The following EHMT1 variants were observed in gnomAD, a reference collection of about 807,000 sequenced individuals.
EHMT1 encodes euchromatic histone lysine methyltransferase 1.
Under a neutral mutation model 147.2 loss-of-function variants are expected in EHMT1, and 15 were observed. The ratio of observed to expected loss-of-function variants is 0.10; its 90% CI spans 0.07 to 0.16. The LOEUF is 0.16. EHMT1 is among the 10% of genes least tolerant of loss of function. EHMT1 has a pLI of 1.00. For synonymous variants in EHMT1, 795 were observed against 709.6 expected, an observed-to-expected ratio of 1.12 and a Z score of -1.91; for missense variants, 1,587 against 1,772.4, an observed-to-expected ratio of 0.90 and a Z score of 1.88.
intron 1 of EHMT1, among the ~76,000 whole-genome samples, chr9:137,668,828 G>C (rs1940031734): frequency 6.6e-6 from 1 of 152,152 alleles, no homozygotes; most frequent in Non-Finnish European, 1.5e-5. Flanking sequence ...GGCTATCCCG[G>C]GAATGGGATA....
intron 25 of EHMT1, among the ~76,000 whole-genome samples, chr9:137,819,760 A>G (rs1307502773): frequency 6.6e-6 from 1 of 151,916 alleles, no homozygotes; most frequent in Non-Finnish European, 1.5e-5. Flanking sequence ...CACAGAGGCC[A>G]ACAGACACGT....
At chr9:137,730,747 C>G (rs1947038669) in intron 4 of EHMT1, among the ~76,000 whole-genome samples, 1 of 152,248 alleles carries the variant, frequency 6.6e-6, no homozygotes, top group Non-Finnish European at 1.5e-5. Context: ...GTGGGCACCT[C>G]TTCAGGAAGA....
chr9:137,826,378 G>A (rs759862191), intron 25 of EHMT1, among the ~76,000 whole-genome samples: 2 of 152,182 alleles, frequency 1.3e-5, no homozygotes, highest in African/African-American at 4.8e-5. Context: ...GGGTCACCCC[G>A]GTCCACTTCC....
chr9:137,725,763 CAGAG>C (rs1026574508), intron 3 of EHMT1, among the ~76,000 whole-genome samples: 6 of 152,214 alleles, frequency 3.9e-5, no homozygotes, highest in African/African-American at 1.4e-4. Context: ...GCCTGTGAGA[CAGAG>C]AGAGGTGGAG....
In EHMT1 at chr9:137,622,095, C is replaced by T. The variant is rs531132194; in HGVS notation, c.21+3046C>T. On this transcript the variant is annotated intron_variant, in intron 1 of 26. Coordinates refer to ENST00000460843, the MANE Select transcript of EHMT1 (RefSeq NM_024757.5). ...TCGTCATTTAGCATTAGGTATATCT[C>T]CTAATGCTATCCCTCCCCCCTCCCC... Among the ~76,000 whole-genome samples, 72 of 149,274 alleles carry T rather than the reference C, an allele frequency of 4.8e-4. No homozygotes were observed. In the Middle Eastern group the frequency reaches 0.014, roughly 28 times the overall value.
Position 137,716,680 on chromosome 9 carries a change from A to G in EHMT1, c.140A>G (p.His47Arg), listed in dbSNP as rs1177732855. Residue 47 changes from histidine (H) to arginine (R), a missense_variant, in exon 3 of 27, where the codon CAC becomes CGC. By Grantham distance (29) the His-to-Arg change is conservative (BLOSUM62 0). Around this residue, in one of 7 missense-constraint regions of EHMT1, gnomAD observed 810 missense variants for 673.0 expected, o/e 1.20. Coordinates refer to ENST00000460843, the MANE Select transcript of EHMT1 (RefSeq NM_024757.5). ...GSAEKQAGEA[H>R]MAADGETNGS... The stretch of plus-strand genomic sequence containing the variant: ...GCAGAGAAACAGGCAGGAGAGGCCC[A>G]CATGGCTGCGGACGGTGAGACCAAT... 1.2e-6 allele frequency: 2 copies of G among 1,604,132 alleles called. No homozygotes were observed.
At chr9:137,778,346 A>G (rs1419514686) in intron 13 of EHMT1, among the ~76,000 whole-genome samples, 6 of 152,248 alleles carry the variant, frequency 3.9e-5, no homozygotes, top group Non-Finnish European at 8.8e-5. Context: ...CCCTTAGGTC[A>G]TGAGAGCAGA....
At chr9:137,812,344 AAAC>A (rs1253737565) in intron 19 of EHMT1, among the ~76,000 whole-genome samples, 1 of 151,240 alleles carries the variant, frequency 6.6e-6, no homozygotes, top group Non-Finnish European at 1.5e-5. Context: ...GTCTCAAAAA[AAAC>A]CCAAAAAACA....
chr9:137,813,592 G>T lies in EHMT1; in HGVS notation c.3180+62G>T. ...GACATGGGACAGGCAGAAGCTTCTTGAGCCTGGGGTCCTGGGTTCTCACCA... is the reference window on the plus strand; with the variant it reads ...GACATGGGACAGGCAGAAGCTTCTTTAGCCTGGGGTCCTGGGTTCTCACCA... On this transcript the variant is annotated intron_variant, in intron 21 of 26. Coordinates refer to ENST00000460843, the MANE Select transcript of EHMT1 (RefSeq NM_024757.5). This position sits in a 1 kb window ranked among gnomAD's most constrained non-coding sequence, Gnocchi z 4.9. The T allele has an allele frequency of 6.2e-7, 1 of 1,604,592 alleles. No individual in the cohort carries two copies.
At chr9:137,789,133 G>A (rs1031863895) in intron 15 of EHMT1, 1 of 152,396 alleles carries the variant, frequency 6.6e-6, no homozygotes, top group Non-Finnish European at 1.5e-5. Flanking sequence ...TGAGGGCAAC[G>A]CCCTGGGGAG....
At chr9:137,817,732 T>A (rs753192077) in intron 24 of EHMT1, 1 of 673,556 alleles carries the variant, frequency 1.5e-6, no homozygotes, top group Non-Finnish European at 2.5e-6. Context: ...AGCCCAGGAG[T>A]GCATTTAAGA....
intron 1 of EHMT1, among the ~76,000 whole-genome samples, chr9:137,707,300 T>TCC (rs1222171483): frequency 2.0e-5 from 3 of 152,188 alleles, no homozygotes; most frequent in Non-Finnish European, 4.4e-5. Context: ...AGAAGCAGCA[T>TCC]CCCTTGCTGG....
At position 137,776,255 on chromosome 9, in the gene EHMT1, T is replaced by C. The variant is rs1342198403; in HGVS notation, c.1792-363T>C. ...TGAGGCAGCTCCACCTGCCTGATGC[T>C]GTGCCCTGAGGTGCTGTCGTCTGTC... On this transcript the variant is annotated intron_variant, in intron 11 of 26. Coordinates refer to ENST00000460843, the MANE Select transcript of EHMT1 (RefSeq NM_024757.5). The surrounding 1 kb of genome is among the most constrained non-coding windows in gnomAD (Gnocchi z 4.4). Among the ~76,000 whole-genome samples, 3 of 152,234 alleles carry C rather than the reference T, an allele frequency of 2.0e-5. No homozygotes were observed. The highest frequency in any genetic ancestry group is 6.5e-5 in the Admixed American group (1 of 15,288).
chr9:137,666,580 C>T (rs1032432136), intron 1 of EHMT1, among the ~76,000 whole-genome samples: 8 of 152,220 alleles, frequency 5.3e-5, no homozygotes, highest in African/African-American at 1.7e-4. Flanking sequence ...GCAGCTGGCT[C>T]TTTGCCATGC....
intron 18 of EHMT1, among the ~76,000 whole-genome samples, chr9:137,805,852 G>A (rs1412693230): frequency 6.6e-6 from 1 of 150,656 alleles, no homozygotes; most frequent in Non-Finnish European, 1.5e-5. Flanking sequence ...TAGTAGAGAC[G>A]GGGTTTCACC....
chr9:137,810,053 T>C (rs574267910), intron 18 of EHMT1, among the ~76,000 whole-genome samples: 14 of 85,044 alleles, frequency 1.6e-4, no homozygotes, highest in South Asian at 1.2e-3. Context: ...TGCCGCCCCG[T>C]GTGGACCGTC....
intron 1 of EHMT1, among the ~76,000 whole-genome samples, chr9:137,669,280 G>A (rs1051101539): frequency 4.4e-4 from 52 of 117,116 alleles, no homozygotes; most frequent in African/African-American, 1.6e-3. Flanking sequence ...CTGGGTGCTG[G>A]TCTCCTGCTT....
At chr9:137,770,655 G>A (rs1383509101) in intron 10 of EHMT1, among the ~76,000 whole-genome samples, 2 of 152,178 alleles carry the variant, frequency 1.3e-5, no homozygotes, top group Non-Finnish European at 2.9e-5. Flanking sequence ...TAGGCCATAG[G>A]GTTCGCTTCC....
At chr9:137,674,502 C>T (rs1941036640) in intron 1 of EHMT1, among the ~76,000 whole-genome samples, 3 of 152,192 alleles carry the variant, frequency 2.0e-5, no homozygotes, top group Admixed American at 2.0e-4. Context: ...AGCGCTCTTT[C>T]TTTGTGTTCT....
Sources: allele counts gnomAD v4.1 joint callset (sites outside exome capture counted in the v4.1 genomes callset), GRCh38; gene constraint gnomAD v4.1.1; regional missense constraint gnomAD v4.1.1; non-coding constraint Gnocchi (gnomAD v3.1); transcripts MANE v1.5; gene names NCBI Gene and HGNC (gene_info 2026-07-23, HGNC 2026-07-21).